Variants in AOPEP observed in about 807,000 individuals in gnomAD.
The protein encoded by AOPEP is aminopeptidase O.
Under a neutral mutation model 98.1 loss-of-function variants are expected in AOPEP, and 77 were observed. That is an observed-to-expected ratio of 0.78 (90% CI 0.65 to 0.95). The LOEUF is 0.95. AOPEP is among the 40% of genes least tolerant of loss of function. The probability of loss-of-function intolerance (pLI) is 0.00; values close to 1 mark genes in which losing one functional copy is unlikely to be tolerated. For missense variants in AOPEP, 1,024 were observed against 1,024.7 expected, an observed-to-expected ratio of 1.00 and a Z score of 0.01; for synonymous variants, 346 against 365.3, an observed-to-expected ratio of 0.95 and a Z score of 0.60.
chr9:95,025,966 G>A (rs868815009), intron 13 of AOPEP, among the ~76,000 whole-genome samples: 7 of 152,116 alleles, frequency 4.6e-5, no homozygotes, highest in Non-Finnish European at 8.8e-5. Flanking sequence ...TTTGAACTCC[G>A]TAATGAGGAA....
chr9:94,932,912 A>G (rs1279887675), intron 7 of AOPEP: 11 of 985,228 alleles, frequency 1.1e-5, no homozygotes, highest in Non-Finnish European at 1.3e-5. Context: ...CATTGGCTGG[A>G]GAGCCTGTAA....
At chr9:94,777,642 T>C (rs1842433623) in intron 3 of AOPEP, among the ~76,000 whole-genome samples, 1 of 141,282 alleles carries the variant, frequency 7.1e-6, no homozygotes, top group South Asian at 2.3e-4. Flanking sequence ...TTTTTTTTTT[T>C]TTTTTTTTTG....
chr9:94,748,826 A>G (rs1291495618), intron 1 of AOPEP, among the ~76,000 whole-genome samples: 1 of 152,226 alleles, frequency 6.6e-6, no homozygotes, highest in East Asian at 1.9e-4. Context: ...CAGGAATACT[A>G]CAGAGGTAAG....
chr9:95,005,898 G>T (rs1407194324), intron 13 of AOPEP: 2 of 542,496 alleles, frequency 3.7e-6, no homozygotes, highest in Non-Finnish European at 6.8e-6. Flanking sequence ...TAGATCAGCA[G>T]TGTTTATTAT....
chr9:95,094,050 T>C, the AOPEP span, among the ~76,000 whole-genome samples: 6 of 152,142 alleles, frequency 3.9e-5, no homozygotes, highest in Non-Finnish European at 7.4e-5. Flanking sequence ...TTCCTCTCTC[T>C]CCCCCACCCC....
chr9:94,760,549 T>A lies in AOPEP; in HGVS notation c.766T>A (p.Ser256Thr). The A allele has an allele frequency of 6.4e-7, 1 of 1,559,130 alleles. No homozygotes were observed. The highest frequency in any genetic ancestry group is 8.6e-7 in the Non-Finnish European group (1 of 1,156,328). Residue 256 changes from serine (S) to threonine (T), a missense_variant, in exon 2 of 17, where the codon TCG (serine) becomes ACG (threonine). Around this residue, in one of 3 missense-constraint regions of AOPEP, gnomAD observed 440 missense variants for 433.8 expected, o/e 1.01. Coordinates refer to ENST00000375315, the MANE Select transcript of AOPEP (RefSeq NM_001193329.3). ...GTACAAAACTAAACCTGAAGGGCGATCGGTTACATGGACCTCAGACCAGAG... is the reference window on the plus strand; with the variant it reads ...GTACAAAACTAAACCTGAAGGGCGAACGGTTACATGGACCTCAGACCAGAG... Reference protein sequence around the residue: ...IWYKTKPEGRSVTWTSDQSGR... With the variant: ...IWYKTKPEGRTVTWTSDQSGR...
rs16911681 is a variant in AOPEP, at chr9:94,760,547, G to T, written c.764G>T (p.Arg255Leu). The T allele has an allele frequency of 6.4e-7, 1 of 1,560,172 alleles. No homozygotes were observed. ...RIWYKTKPEG[R>L]SVTWTSDQSG... ...TGGTACAAAACTAAACCTGAAGGGC[G>T]ATCGGTTACATGGACCTCAGACCAG... is the stretch of plus-strand genomic sequence containing the variant. Residue 255 changes from arginine (R) to leucine (L), a missense_variant, in exon 2 of 17, where the codon CGA becomes CTA. Physicochemically the swap from Arg to Leu is moderately radical, Grantham distance 102. This residue lies in a region of AOPEP where 440 missense variants were observed against 433.8 expected (regional missense o/e 1.01). Transcript: ENST00000375315.
At chr9:95,012,082 C>A (rs905458521) in intron 13 of AOPEP, among the ~76,000 whole-genome samples, 2 of 152,134 alleles carry the variant, frequency 1.3e-5, no homozygotes, top group Non-Finnish European at 2.9e-5. Context: ...GTATCACAAC[C>A]AGCAATATGA....
intron 5 of AOPEP, among the ~76,000 whole-genome samples, chr9:94,823,027 G>A (rs1313513028): frequency 1.3e-5 from 2 of 150,140 alleles, no homozygotes; most frequent in Non-Finnish European, 2.9e-5. Flanking sequence ...ATGGAGTTTC[G>A]CTCTTGTTGC....
At chr9:95,119,749 T>C in the AOPEP span, among the ~76,000 whole-genome samples, 6 of 151,968 alleles carry the variant, frequency 3.9e-5, no homozygotes, top group African/African-American at 1.4e-4. Context: ...TTTCACTCTG[T>C]TGCCCAAGCT....
chr9:94,994,886 G>A (rs555095001), intron 11 of AOPEP, among the ~76,000 whole-genome samples: 1 of 152,176 alleles, frequency 6.6e-6, no homozygotes, highest in East Asian at 1.9e-4. Context: ...AGGAGGTGGA[G>A]GTTGCAATGA....
intron 1 of AOPEP, among the ~76,000 whole-genome samples, chr9:94,732,976 G>C (rs1453449117): frequency 1.3e-5 from 2 of 152,248 alleles, no homozygotes; most frequent in South Asian, 2.1e-4. Context: ...CAAGGACTTT[G>C]ACAGTTAGTT....
the AOPEP span, among the ~76,000 whole-genome samples, chr9:95,106,563 C>T: frequency 6.6e-6 from 1 of 152,210 alleles, no homozygotes; most frequent in Non-Finnish European, 1.5e-5. Context: ...AAAGAGTGCT[C>T]ACTTTTGACT....
At chr9:94,816,533 A>G (rs1475086254) in intron 5 of AOPEP, among the ~76,000 whole-genome samples, 1 of 152,170 alleles carries the variant, frequency 6.6e-6, no homozygotes, top group African/African-American at 2.4e-5. Context: ...AAGTGAGCAT[A>G]ACTTAGAATG....
chr9:95,034,688 G>C (rs772283278), intron 13 of AOPEP, among the ~76,000 whole-genome samples: 5 of 152,186 alleles, frequency 3.3e-5, no homozygotes, highest in Non-Finnish European at 7.3e-5. Context: ...ATACCCTTGT[G>C]TTTTTAATAG....
chr9:94,886,564 CA>C (rs1206354409), intron 5 of AOPEP, among the ~76,000 whole-genome samples: 1 of 151,966 alleles, frequency 6.6e-6, no homozygotes, highest in East Asian at 1.9e-4. Context: ...TTTTTTGCAA[CA>C]AACATATTAG....
chr9:94,743,102 C>G (rs1323100691), intron 1 of AOPEP, among the ~76,000 whole-genome samples: 2 of 151,946 alleles, frequency 1.3e-5, no homozygotes, highest in Non-Finnish European at 2.9e-5. Context: ...AGGCTGCTCT[C>G]TGTGGAGTAG....
intron 3 of AOPEP, among the ~76,000 whole-genome samples, chr9:94,778,297 A>G (rs1485241930): frequency 6.6e-6 from 1 of 152,190 alleles, no homozygotes; most frequent in African/African-American, 2.4e-5. Flanking sequence ...TTGAGTATTT[A>G]CCCAAGAGAA....
intron 2 of AOPEP, among the ~76,000 whole-genome samples, chr9:94,771,063 G>T (rs1261624695): frequency 6.6e-6 from 1 of 152,128 alleles, no homozygotes; most frequent in Non-Finnish European, 1.5e-5. Flanking sequence ...TGGGGAAGTG[G>T]TATGGAAGCT....
Sources: gnomAD v4.1 joint callset for allele counts (sites outside exome capture counted in the v4.1 genomes callset) on GRCh38, gnomAD v4.1.1 for gene constraint, gnomAD v4.1.1 regional missense constraint, MANE v1.5 for transcripts, NCBI Gene and HGNC (gene_info 2026-07-23, HGNC 2026-07-21) for gene names.